FBN2: variants seen among roughly 807,000 people sequenced by gnomAD.
The protein encoded by FBN2 is fibrillin-2.
A neutral mutation model predicts 355.6 loss-of-function variants in FBN2; 105 were observed. That is an observed-to-expected ratio of 0.30 (90% CI 0.25 to 0.35). FBN2 has a LOEUF of 0.35. FBN2 is among the 10% of genes least tolerant of loss of function. The pLI, the probability that FBN2 is intolerant of heterozygous loss-of-function variation, is 1.00. For synonymous variants in FBN2, 1,350 were observed against 1,301.2 expected (o/e 1.04, Z -0.81); for missense variants, 3,280 against 3,758.7 (o/e 0.87, Z 3.33).
intron 7 of FBN2, among the ~76,000 whole-genome samples, chr5:128,420,328 C>T (rs930934715): frequency 6.6e-6 from 1 of 152,122 alleles, no homozygotes; most frequent in Non-Finnish European, 1.5e-5. Flanking sequence ...CTAACTTTTC[C>T]AGACCAGCCA....
At chr5:128,453,816 C>A (rs986223969) in intron 6 of FBN2, among the ~76,000 whole-genome samples, 7 of 151,992 alleles carry the variant, frequency 4.6e-5, no homozygotes, top group African/African-American at 1.7e-4. Context: ...CCTCCCCCAA[C>A]TTTTTTTTCC....
intron 7 of FBN2, among the ~76,000 whole-genome samples, chr5:128,432,908 C>T (rs331082): frequency 0.13 from 19,070 of 151,718 alleles, 1,438 homozygotes; most frequent in Admixed American, 0.25. Flanking sequence ...AGAAGAGGCA[C>T]ATTTTACACG....
At chr5:128,492,550 C>T (rs1755536453) in intron 5 of FBN2, among the ~76,000 whole-genome samples, 1 of 152,114 alleles carries the variant, frequency 6.6e-6, no homozygotes, top group Non-Finnish European at 1.5e-5. Flanking sequence ...TGCCTGTAAT[C>T]CCAGCACTTT....
chr5:128,328,567 G>A (rs2126886424), intron 34 of FBN2, 129 bp downstream of exon 34: 6 of 984,810 alleles, frequency 6.1e-6, no homozygotes, highest in Admixed American at 3.9e-5. Flanking sequence ...ACGCTTAAAC[G>A]AATGACTTTT....
chr5:128,288,581 G>A, intron 52 of FBN2, 24 bp from the exon 53 acceptor site: 2 of 1,611,496 alleles, frequency 1.2e-6, no homozygotes, highest in Non-Finnish European at 1.7e-6. Flanking sequence ...ATAAGAAACT[G>A]CCACAAAGAT....
At position 128,350,971 on chromosome 5, in the gene FBN2, C is replaced by T; in HGVS notation, c.2709G>A (p.Gln903=). Residue 903 remains glutamine, a synonymous_variant, in exon 21 of 65, where the codon CAG becomes CAA. Transcript: ENST00000262464. ...SLKGTCWLNI[Q]DSRCEVNING... is the part of the protein sequence containing the mutation. ...TAATATTCACCTCACAGCGGCTGTC[C>T]TGGATGTTGAGCCAACAGGTCCCCT... The T allele has an allele frequency of 6.2e-7, 1 of 1,614,184 alleles. No individual in the cohort carries two copies. Among genetic ancestry groups the T allele is most frequent in the Non-Finnish European group, 8.5e-7 (1 of 1,180,036 alleles).
intron 18 of FBN2, among the ~76,000 whole-genome samples, chr5:128,362,464 T>A (rs1271586660): frequency 1.3e-5 from 2 of 152,128 alleles, no homozygotes; most frequent in African/African-American, 2.4e-5. Context: ...CACAATGAGT[T>A]TTTTGTTTGT....
At chr5:128,472,277 C>T (rs899695854) in intron 5 of FBN2, among the ~76,000 whole-genome samples, 2 of 152,044 alleles carry the variant, frequency 1.3e-5, no homozygotes, top group African/African-American at 2.4e-5. Context: ...GGAAATACTG[C>T]ATGATTTCAC....
At chr5:128,413,412 A>T (rs767280027) in intron 7 of FBN2, among the ~76,000 whole-genome samples, 1 of 152,156 alleles carries the variant, frequency 6.6e-6, no homozygotes, top group Non-Finnish European at 1.5e-5. Flanking sequence ...ACACTGTGAA[A>T]ACAGGGGGAT....
intron 34 of FBN2, 146 bp downstream of exon 34, chr5:128,328,550 A>T: frequency 1.1e-6 from 1 of 885,136 alleles, no homozygotes; most frequent in Non-Finnish European, 1.8e-6. Flanking sequence ...ATTCGGCAAA[A>T]TAATCCACGC....
rs879104764 is a variant in FBN2 at position 128,364,742 on chromosome 5, A to G, written c.2303-17T>C. 2 of 1,604,580 alleles carry G rather than the reference A, an allele frequency of 1.2e-6. No homozygotes were observed. Among genetic ancestry groups the G allele is most frequent in the Non-Finnish European group, 1.7e-6 (2 of 1,171,728 alleles). On this transcript the variant is annotated splice_polypyrimidine_tract_variant and intron_variant, in intron 17 of 64. Coordinates refer to ENST00000262464, the MANE Select transcript of FBN2 (RefSeq NM_001999.4). ...CATTGATATCTGCATTAAATATTGAAAGTTTAGTGCTATCAACAAACATGT... is the reference window on the plus strand; with the variant it reads ...CATTGATATCTGCATTAAATATTGAGAGTTTAGTGCTATCAACAAACATGT...
Position 128,337,919 on chromosome 5 carries a change from C to G in FBN2, c.3598+78G>C, listed in dbSNP as rs958077180. 59 of 1,518,152 alleles carry G rather than the reference C, an allele frequency of 3.9e-5. No individual in the cohort carries two copies. The African/African-American group carries it at 7.4e-4, about 19-fold the overall frequency. The allele number at this position is 1,518,152 out of a possible 1,614,324, so 94.0% of individuals were successfully genotyped here. A position where few individuals can be genotyped will look rare whatever the true frequency, so the allele number is the denominator to read the frequency against. Reference sequence around the variant, plus strand: ...AGCTAGATTTCATGTGCTCCTCAAACAACAGGTTTGTCAGAACTGATCCCT... The same window carrying G: ...AGCTAGATTTCATGTGCTCCTCAAAGAACAGGTTTGTCAGAACTGATCCCT... On this transcript the variant is annotated intron_variant, in intron 27 of 64. Coordinates refer to ENST00000262464, the MANE Select transcript of FBN2 (RefSeq NM_001999.4).
intron 4 of FBN2, among the ~76,000 whole-genome samples, chr5:128,522,762 A>G (rs1000655001): frequency 2.0e-5 from 3 of 152,226 alleles, no homozygotes; most frequent in Non-Finnish European, 2.9e-5. Flanking sequence ...GTAACAAAAA[A>G]GAATGGAAAC....
At chr5:128,456,256 G>C (rs1039803082) in intron 6 of FBN2, among the ~76,000 whole-genome samples, 1 of 151,970 alleles carries the variant, frequency 6.6e-6, no homozygotes, top group African/African-American at 2.4e-5. Flanking sequence ...CAGGATCTCC[G>C]ATAACTCCAG....
intron 20 of FBN2, among the ~76,000 whole-genome samples, chr5:128,353,963 C>T (rs1219752066): frequency 1.3e-5 from 2 of 152,188 alleles, no homozygotes; most frequent in African/African-American, 4.8e-5. Flanking sequence ...ATCCTTCTCT[C>T]TCTCCGATTC....
chr5:128,517,665 AT>A (rs1415734421), intron 5 of FBN2, among the ~76,000 whole-genome samples: 3 of 152,200 alleles, frequency 2.0e-5, no homozygotes, highest in Non-Finnish European at 4.4e-5. Context: ...TATAATTGTA[AT>A]TTCTCAGTTT....
intron 18 of FBN2, 93 bp from the exon 19 acceptor site, chr5:128,361,941 C>T: frequency 1.6e-6 from 2 of 1,257,614 alleles, no homozygotes; most frequent in South Asian, 2.4e-5. Flanking sequence ...GTTTTATTTC[C>T]CTCTTTCTTC....
In FBN2 at chr5:128,311,370, G is replaced by A. The variant is rs140012679; in HGVS notation, c.5004C>T (p.Asn1668=). ...ACTCACACTGGAAGCTCCCAAAAGT[G>A]TTGATGCAGTTTCCACCCTGGCAGA... ...PGLCQGGNCI[N]TFGSFQCECP... Residue 1668 remains asparagine, a synonymous_variant, in exon 39 of 65, where the codon AAC becomes AAT. Transcript: ENST00000262464. The A allele has an allele frequency of 3.0e-5, 48 of 1,613,964 alleles. No homozygotes were observed. In the African/African-American group the frequency reaches 6.1e-4, roughly 21 times the overall value.
At chr5:128,444,435 G>T (rs1205520899) in intron 7 of FBN2, among the ~76,000 whole-genome samples, 1 of 152,168 alleles carries the variant, frequency 6.6e-6, no homozygotes, top group Non-Finnish European at 1.5e-5. Context: ...CTGCTTTTAA[G>T]AAATATTTAA....
Sources: gnomAD v4.1 joint callset for allele counts (sites outside exome capture counted in the v4.1 genomes callset) on GRCh38, gnomAD v4.1.1 for gene constraint, MANE v1.5 for transcripts, NCBI Gene and HGNC (gene_info 2026-07-23, HGNC 2026-07-21) for gene names.